BASP1: variants seen among roughly 807,000 people sequenced by gnomAD.
BASP1 encodes the protein brain acid soluble protein 1.
In BASP1, 1 loss-of-function variant was observed where a neutral mutation model predicts 2.2. That is an observed-to-expected ratio of 0.46 (90% CI 0.16 to 2.17). The LOEUF is 2.17. Ranked by LOEUF, BASP1 falls within the 30% of genes most tolerant of loss-of-function variation. The pLI, the probability that BASP1 is intolerant of heterozygous loss-of-function variation, is 0.27. For synonymous variants in BASP1, 187 were observed against 154.2 expected, an observed-to-expected ratio of 1.21 and a Z score of -1.58; for missense variants, 352 against 327.2, an observed-to-expected ratio of 1.08 and a Z score of -0.58.
At chr5:17,272,887 T>C (rs1740558354) in intron 1 of BASP1, among the ~76,000 whole-genome samples, 1 of 152,212 alleles carries the variant, frequency 6.6e-6, no homozygotes, top group Non-Finnish European at 1.5e-5. Flanking sequence ...TAACCCAACA[T>C]GACTTTAAAC....
intron 1 of BASP1, among the ~76,000 whole-genome samples, chr5:17,253,504 T>C (rs1041902926): frequency 1.3e-5 from 2 of 152,194 alleles, no homozygotes; most frequent in Non-Finnish European, 2.9e-5. Context: ...TGAGCTACCA[T>C]GTCTGGCTTA....
Position 17,275,602 on chromosome 5 carries a change from C to G in BASP1, c.386C>G (p.Pro129Arg), listed in dbSNP as rs956427248. Residue 129 changes from proline to arginine, a missense_variant, in exon 2 of 2, where the codon CCG becomes CGG. Transcript: ENST00000322611. The surrounding 1 kb of genome is among the most constrained non-coding windows in gnomAD (Gnocchi z 5.3). The stretch of plus-strand genomic sequence containing the variant: ...AAAGCTGCTGAGGCCGCCGCGGCCC[C>G]GGCCGAGAGCGCGGCCCCTGCCGCC... ...APKAAEAAAAPAESAAPAAGE... is the reference protein window; with the variant it reads ...APKAAEAAAARAESAAPAAGE... The G allele has an allele frequency of 1.4e-6, 2 of 1,418,152 alleles. No individual in the cohort carries two copies. The highest frequency in any genetic ancestry group is 9.2e-7 in the Non-Finnish European group (1 of 1,089,590). The allele number at this position is 1,418,152 out of a possible 1,614,324, so 87.8% of individuals were successfully genotyped here.
At chr5:17,223,131 G>A (rs1195510560) in intron 1 of BASP1, among the ~76,000 whole-genome samples, 1 of 152,098 alleles carries the variant, frequency 6.6e-6, no homozygotes, top group Non-Finnish European at 1.5e-5. Flanking sequence ...ATTGTGTAGG[G>A]AGTATAATAT....
At chr5:17,257,327 A>AAG (rs1740234519) in intron 1 of BASP1, among the ~76,000 whole-genome samples, 1 of 151,484 alleles carries the variant, frequency 6.6e-6, no homozygotes, top group Non-Finnish European at 1.5e-5. Context: ...AACAAAACAA[A>AAG]AAGAGTGATT....
intron 1 of BASP1, among the ~76,000 whole-genome samples, chr5:17,271,549 G>A (rs894074575): frequency 1.3e-5 from 2 of 152,192 alleles, no homozygotes; most frequent in African/African-American, 4.8e-5. Context: ...GAATTTTGTT[G>A]CTGTGCTACA....
At chr5:17,218,095 G>A (rs1339204779) in intron 1 of BASP1, among the ~76,000 whole-genome samples, 7 of 151,812 alleles carry the variant, frequency 4.6e-5, no homozygotes, top group Non-Finnish European at 8.8e-5. Flanking sequence ...TGGGGGGAGG[G>A]GGCTGTCGGG....
intron 1 of BASP1, among the ~76,000 whole-genome samples, chr5:17,237,193 A>C (rs1355136740): frequency 6.6e-6 from 1 of 152,054 alleles, no homozygotes; most frequent in Non-Finnish European, 1.5e-5. Context: ...AAATACAAAA[A>C]ATTAGCTGGG....
intron 1 of BASP1, among the ~76,000 whole-genome samples, chr5:17,248,181 C>T (rs969919207): frequency 3.3e-5 from 5 of 152,176 alleles, no homozygotes; most frequent in African/African-American, 7.2e-5. Context: ...TTCAGCTATA[C>T]GTGTGACAAT....
At chr5:17,233,951 A>T (rs1038256375) in intron 1 of BASP1, among the ~76,000 whole-genome samples, 2 of 152,080 alleles carry the variant, frequency 1.3e-5, no homozygotes, top group Admixed American at 1.3e-4. Context: ...TAACATAGTG[A>T]AACCCCATCT....
chr5:17,219,015 C>G (rs890809452), intron 1 of BASP1, among the ~76,000 whole-genome samples: 1 of 152,012 alleles, frequency 6.6e-6, no homozygotes, highest in African/African-American at 2.4e-5. Flanking sequence ...ACCTCTGTCT[C>G]CCCCGCGGCC....
intron 1 of BASP1, among the ~76,000 whole-genome samples, chr5:17,264,506 G>T (rs1251467133): frequency 6.6e-6 from 1 of 152,218 alleles, no homozygotes; most frequent in African/African-American, 2.4e-5. Flanking sequence ...GATGATAGTT[G>T]CTTGTCCAAG....
rs1294044278 is a variant in BASP1, at chr5:17,260,504, CAG to C, written c.-9-14699_-9-14698del. Among the ~76,000 whole-genome samples the C allele has an allele frequency of 2.0e-5, 3 of 152,108 alleles. No homozygotes were observed. The highest frequency in any genetic ancestry group is 4.4e-5 in the Non-Finnish European group (3 of 68,030). On this transcript the variant is annotated intron_variant, in intron 1 of 1. Transcript: ENST00000322611. This position sits in a 1 kb window ranked among gnomAD's most constrained non-coding sequence, Gnocchi z 4.2. The stretch of plus-strand genomic sequence containing the variant: ...TTAATTATGTGCTGAGTCCCGGTGG[CAG>C]AGAGTTTGTGATCATGGATGGCGCC...
chr5:17,223,735 C>A (rs1241129152), intron 1 of BASP1, among the ~76,000 whole-genome samples: 7 of 152,162 alleles, frequency 4.6e-5, no homozygotes, highest in Admixed American at 4.6e-4. Flanking sequence ...AGCTGTATGA[C>A]CTTGGGTGTA....
At chr5:17,224,038 A>T (rs549061179) in intron 1 of BASP1, among the ~76,000 whole-genome samples, 1 of 152,224 alleles carries the variant, frequency 6.6e-6, no homozygotes, top group African/African-American at 2.4e-5. Flanking sequence ...TGGGGACCTT[A>T]GAAATCAGGA....
chr5:17,247,458 T>G (rs915909228), intron 1 of BASP1, among the ~76,000 whole-genome samples: 1 of 152,224 alleles, frequency 6.6e-6, no homozygotes, highest in African/African-American at 2.4e-5. Flanking sequence ...GGGAAACCCA[T>G]CAGTGTTATT....
intron 1 of BASP1, among the ~76,000 whole-genome samples, chr5:17,274,416 A>G (rs968876832): frequency 6.6e-6 from 1 of 152,130 alleles, no homozygotes; most frequent in Admixed American, 6.5e-5. Flanking sequence ...TGTAGCAGAG[A>G]GAGTTTGTAG....
intron 1 of BASP1, among the ~76,000 whole-genome samples, chr5:17,269,551 C>T (rs1459867322): frequency 3.9e-5 from 6 of 152,172 alleles, no homozygotes; most frequent in South Asian, 4.1e-4. Flanking sequence ...CTCTCTTCAC[C>T]GAAAAGCAGA....
upstream of BASP1, chr5:17,217,081 A>AGAGAGAGAGG (rs1561160776): frequency 6.9e-6 from 1 of 144,130 alleles, no homozygotes; most frequent in South Asian, 2.3e-4. Flanking sequence ...TGAGAGAGAG[A>AGAGAGAGAGG]GAGAGAGAGA....
intron 1 of BASP1, among the ~76,000 whole-genome samples, chr5:17,229,629 C>T (rs1429457358): frequency 1.3e-5 from 2 of 152,146 alleles, no homozygotes; most frequent in African/African-American, 4.8e-5. Context: ...GGAAGATGCA[C>T]CCGCATTAAC....
Sources: allele counts gnomAD v4.1 joint callset (sites outside exome capture counted in the v4.1 genomes callset), GRCh38; gene constraint gnomAD v4.1.1; non-coding constraint Gnocchi (gnomAD v3.1); transcripts MANE v1.5; gene names NCBI Gene and HGNC (gene_info 2026-07-23, HGNC 2026-07-21).